ENTPD4: variants seen among roughly 807,000 people sequenced by gnomAD.
ENTPD4 encodes the protein Golgi UDPase.
ENTPD4 carries 60 observed loss-of-function variants against 79.1 expected under a neutral mutation model. That is an observed-to-expected ratio of 0.76 (90% CI 0.62 to 0.94). ENTPD4 has a LOEUF of 0.94. Ranked by LOEUF, ENTPD4 falls within the 40% of genes least tolerant of loss-of-function variation. The pLI, the probability that ENTPD4 is intolerant of heterozygous loss-of-function variation, is 0.00. For missense variants in ENTPD4, 772 were observed against 775.1 expected (o/e 1.00, Z 0.05); for synonymous variants, 276 against 292.0 (o/e 0.95, Z 0.56).
At position 23,430,911 on chromosome 8, in the gene ENTPD4, A is replaced by C; in HGVS notation, c.*2015T>G. ...CAAGACCAACTTATTAGGTAGCCAG[A>C]AGCTCACCCCTTTCTTAACAACTTT... On this transcript the variant is annotated 3_prime_UTR_variant, in exon 13 of 13. Coordinates refer to ENST00000358689, the MANE Select transcript of ENTPD4 (RefSeq NM_004901.5). 3 of 985,498 alleles carry C rather than the reference A, an allele frequency of 3.0e-6. No individual in the cohort carries two copies. The highest frequency in any genetic ancestry group is 3.6e-6 in the Non-Finnish European group (3 of 829,966). The allele number at this position is 985,498 out of a possible 1,614,324, so 61.0% of individuals were successfully genotyped here. A position where few individuals can be genotyped will look rare whatever the true frequency, so the allele number is the denominator to read the frequency against.
chr8:23,431,126 G>T lies in ENTPD4; in HGVS notation c.*1800C>A. 2.4e-6 allele frequency: 1 copy of T among 410,046 alleles called. No homozygotes were observed. The highest frequency in any genetic ancestry group is 3.3e-6 in the Non-Finnish European group (1 of 304,602). 25.4% of individuals were successfully genotyped at this position (410,046 alleles called of 1,614,324 possible). A position where few individuals can be genotyped will look rare whatever the true frequency, so the allele number is the denominator to read the frequency against. ...CCTGAGGCAGTTTGAGCCACAACTGGGACAGAATTCCCTTGGTCTTCTCTT... is the reference window on the plus strand; with the variant it reads ...CCTGAGGCAGTTTGAGCCACAACTGTGACAGAATTCCCTTGGTCTTCTCTT... On this transcript the variant is annotated 3_prime_UTR_variant, in exon 13 of 13. Coordinates refer to ENST00000358689, the MANE Select transcript of ENTPD4 (RefSeq NM_004901.5).
intron 11 of ENTPD4, 31 bp from the exon 12 acceptor site, chr8:23,434,509 A>G: frequency 1.2e-6 from 2 of 1,611,710 alleles, no homozygotes; most frequent in East Asian, 2.2e-5. Context: ...GGCAAGTCAG[A>G]CTGACTCACT....
At position 23,432,308 on chromosome 8, in the gene ENTPD4, C is replaced by T. The variant is rs1450201409; in HGVS notation, c.*618G>A. The T allele has an allele frequency of 5.1e-6, 5 of 985,308 alleles. No homozygotes were observed. The highest frequency in any genetic ancestry group is 1.2e-4 in the Admixed American group (2 of 16,260). 61.0% of individuals were successfully genotyped at this position (985,308 alleles called of 1,614,324 possible). A position where few individuals can be genotyped will look rare whatever the true frequency, so the allele number is the denominator to read the frequency against. On this transcript the variant is annotated 3_prime_UTR_variant, in exon 13 of 13. Coordinates refer to ENST00000358689, the MANE Select transcript of ENTPD4 (RefSeq NM_004901.5). ...TCCACTGACAGAATGCATCTTTCCA[C>T]CTCCCTCCAGTATCAAAGTGCATGT...
Position 23,431,476 on chromosome 8 carries a change from C to T in ENTPD4, c.*1450G>A. 1 of 985,422 alleles carries T rather than the reference C, an allele frequency of 1.0e-6. No individual in the cohort carries two copies. Among genetic ancestry groups the T allele is most frequent in the Non-Finnish European group, 1.2e-6 (1 of 829,926 alleles). The allele number at this position is 985,422 out of a possible 1,614,324, so 61.0% of individuals were successfully genotyped here. A position where few individuals can be genotyped will look rare whatever the true frequency, so the allele number is the denominator to read the frequency against. On this transcript the variant is annotated 3_prime_UTR_variant, in exon 13 of 13. Transcript: ENST00000358689. ...GAAAAAACACCAATCTCACATATGCCAATCCAATTGTCCTTTTTAGATTTT... is the reference window on the plus strand; with the variant it reads ...GAAAAAACACCAATCTCACATATGCTAATCCAATTGTCCTTTTTAGATTTT...
In ENTPD4 at chr8:23,437,091, G is replaced by C. The variant is rs200990091; in HGVS notation, c.1217C>G (p.Thr406Arg). The C allele has an allele frequency of 3.4e-5, 55 of 1,614,234 alleles. No homozygotes were observed. In the East Asian group the frequency reaches 1.0e-3, roughly 31 times the overall value. Residue 406 changes from threonine to arginine, a missense_variant, in exon 10 of 13, where the codon ACA becomes AGA. Physicochemically the swap from Thr to Arg is moderately conservative, Grantham distance 71 (BLOSUM62 -1). Coordinates refer to ENST00000358689, the MANE Select transcript of ENTPD4 (RefSeq NM_004901.5). ...ATTGAGGGAAGTCTGGGTCTCGTTT[G>C]TTTTATTCATGAAAGGCTGGATAGT... ...RETIQPFMNK[T>R]NETQTSLNGV...
chr8:23,437,318 G>T, intron 9 of ENTPD4, 60 bp from the exon 10 acceptor site: 1 of 1,320,630 alleles, frequency 7.6e-7, no homozygotes, highest in Non-Finnish European at 1.0e-6. Context: ...TTCAGGAAGT[G>T]GCTGCAAACC....
At chr8:23,444,658 G>A in intron 4 of ENTPD4, 52 bp from the exon 5 acceptor site, 2 of 1,530,660 alleles carry the variant, frequency 1.3e-6, no homozygotes, top group South Asian at 1.1e-5. Context: ...GCTATAACAT[G>A]TGATGTTTCT....
At chr8:23,441,518 AC>A in intron 8 of ENTPD4, 50 bp downstream of exon 8, 1 of 1,598,536 alleles carries the variant, frequency 6.3e-7, no homozygotes, top group Non-Finnish European at 8.5e-7. Context: ...CGATGGACAC[AC>A]GTTAAATGAA....
At chr8:23,445,191 C>T (rs1414379632) in intron 4 of ENTPD4, among the ~76,000 whole-genome samples, 5 of 152,188 alleles carry the variant, frequency 3.3e-5, no homozygotes, top group Non-Finnish European at 7.3e-5. Flanking sequence ...CTCCCTCATC[C>T]CAACACACAA....
Position 23,431,258 on chromosome 8 carries a change from A to AAGCC in ENTPD4, c.*1664_*1667dup. On this transcript the variant is annotated 3_prime_UTR_variant, in exon 13 of 13. Coordinates refer to ENST00000358689, the MANE Select transcript of ENTPD4 (RefSeq NM_004901.5). ...AGCCTCTGCCCAGTACCTAGTTCCAAAGCCACTTTTATAATATCCTCAGTT... is the reference window on the plus strand; with the variant it reads ...AGCCTCTGCCCAGTACCTAGTTCCAAAGCCAGCCACTTTTATAATATCCTCAGTT... 1.2e-6 allele frequency: 1 copy of AAGCC among 862,390 alleles called. No individual in the cohort carries two copies. The highest frequency in any genetic ancestry group is 5.3e-5 in the South Asian group (1 of 18,740). The allele number at this position is 862,390 out of a possible 1,614,324, so 53.4% of individuals were successfully genotyped here.
rs1489606553 is a variant in ENTPD4, at chr8:23,447,800, T to C, written c.292A>G (p.Ser98Gly). The C allele has an allele frequency of 6.2e-7, 1 of 1,614,232 alleles. No homozygotes were observed. The highest frequency in any genetic ancestry group is 1.1e-5 in the South Asian group (1 of 91,092). Residue 98 changes from serine (S) to glycine (G), a missense_variant, in exon 4 of 13, where the codon AGT becomes GGT. Ser to Gly is a moderately conservative substitution (Grantham distance 56). Coordinates refer to ENST00000358689, the MANE Select transcript of ENTPD4 (RefSeq NM_004901.5). ...NYGIVVDCGS[S>G]GSRVFVYCWP... ...CAGTAAACAAATACTCGAGACCCACTGCTACCACAGTCCACCACGATCCCA... is the reference window on the plus strand; with the variant it reads ...CAGTAAACAAATACTCGAGACCCACCGCTACCACAGTCCACCACGATCCCA...
chr8:23,447,963 A>C (rs1227325302), intron 3 of ENTPD4, 78 bp from the exon 4 acceptor site: 1 of 1,152,012 alleles, frequency 8.7e-7, no homozygotes, highest in Non-Finnish European at 1.3e-6. Flanking sequence ...TGCAGCAAAT[A>C]CCAAGTCAGT....
At position 23,430,260 on chromosome 8, in the gene ENTPD4, T is replaced by C. The variant is rs1800432116; in HGVS notation, c.*2666A>G. On this transcript the variant is annotated 3_prime_UTR_variant, in exon 13 of 13. Transcript: ENST00000358689. Reference sequence around the variant, plus strand: ...ATACGGCATAATGAACTCCCTTGAGTGGTCTCTTTTTAAACAATTTTGGGT... The same window carrying C: ...ATACGGCATAATGAACTCCCTTGAGCGGTCTCTTTTTAAACAATTTTGGGT... The C allele has an allele frequency of 1.0e-6, 1 of 985,422 alleles. No homozygotes were observed. The highest frequency in any genetic ancestry group is 1.7e-5 in the African/African-American group (1 of 57,344). The allele number at this position is 985,422 out of a possible 1,614,324, so 61.0% of individuals were successfully genotyped here.
chr8:23,443,184 C>T (rs1800704129), intron 6 of ENTPD4, among the ~76,000 whole-genome samples: 1 of 152,040 alleles, frequency 6.6e-6, no homozygotes, highest in African/African-American at 2.4e-5. Context: ...AAAAAAATGC[C>T]TCCCTCTTAA....
Position 23,437,097 on chromosome 8 carries a change from T to A in ENTPD4, c.1211A>T (p.Asn404Ile). The A allele has an allele frequency of 1.2e-6, 2 of 1,614,236 alleles. No homozygotes were observed. The highest frequency in any genetic ancestry group is 1.7e-6 in the Non-Finnish European group (2 of 1,180,038). Reference protein sequence around the residue: ...LCRETIQPFMNKTNETQTSLN... With the variant: ...LCRETIQPFMIKTNETQTSLN... ...GGAAGTCTGGGTCTCGTTTGTTTTA[T>A]TCATGAAAGGCTGGATAGTCTCTCG... The change falls in exon 10 of 13, where the codon AAT (asparagine) becomes ATT (isoleucine). Residue 404 changes from asparagine (N) to isoleucine (I), a missense_variant. Coordinates refer to ENST00000358689, the MANE Select transcript of ENTPD4 (RefSeq NM_004901.5).
At position 23,432,094 on chromosome 8, in the gene ENTPD4, T is replaced by C. The variant is rs1348379782; in HGVS notation, c.*832A>G. ...ATCTCCTGGTGCCCATGTTTCTCTG[T>C]TTTGGATATAAATGGTTTAAAAAAT... is the stretch of plus-strand genomic sequence containing the variant. On this transcript the variant is annotated 3_prime_UTR_variant, in exon 13 of 13. Coordinates refer to ENST00000358689, the MANE Select transcript of ENTPD4 (RefSeq NM_004901.5). 15 of 985,208 alleles carry C rather than the reference T, an allele frequency of 1.5e-5. No homozygotes were observed. The highest frequency in any genetic ancestry group is 1.8e-5 in the Non-Finnish European group (15 of 829,774). The allele number at this position is 985,208 out of a possible 1,614,324, so 61.0% of individuals were successfully genotyped here. A position where few individuals can be genotyped will look rare whatever the true frequency, so the allele number is the denominator to read the frequency against.
rs1200624101 is a variant in ENTPD4 at position 23,436,269 on chromosome 8, T to C, written c.1374+665A>G. ...GATAAAATACCACACTTGTGACTGATTACACTGGGGTGTATAGGGAGAGAT... is the reference window on the plus strand; with the variant it reads ...GATAAAATACCACACTTGTGACTGACTACACTGGGGTGTATAGGGAGAGAT... On this transcript the variant is annotated intron_variant, in intron 10 of 12. Transcript: ENST00000358689. 3.3e-5 allele frequency among the ~76,000 whole-genome samples: 5 copies of C among 152,264 alleles called. No individual in the cohort carries two copies. In the East Asian group the frequency reaches 9.7e-4, roughly 29 times the overall value.
In ENTPD4 at chr8:23,431,408, A is replaced by T; in HGVS notation, c.*1518T>A. On this transcript the variant is annotated 3_prime_UTR_variant, in exon 13 of 13. Transcript: ENST00000358689. Reference sequence around the variant, plus strand: ...CACAAAACAAACTCCACCTAAAAAAACTGTACGAGAATTCCCCAAACTTCT... The same window carrying T: ...CACAAAACAAACTCCACCTAAAAAATCTGTACGAGAATTCCCCAAACTTCT... 1 of 985,442 alleles carries T rather than the reference A, an allele frequency of 1.0e-6. No homozygotes were observed. The highest frequency in any genetic ancestry group is 1.2e-6 in the Non-Finnish European group (1 of 829,922). The allele number at this position is 985,442 out of a possible 1,614,324, so 61.0% of individuals were successfully genotyped here.
Position 23,430,279 on chromosome 8 carries a change from T to A in ENTPD4, c.*2647A>T. 1.0e-6 allele frequency: 1 copy of A among 985,380 alleles called. No homozygotes were observed. Among genetic ancestry groups the A allele is most frequent in the Non-Finnish European group, 1.2e-6 (1 of 829,926 alleles). 61.0% of individuals were successfully genotyped at this position (985,380 alleles called of 1,614,324 possible). ...CTTGAGTGGTCTCTTTTTAAACAAT[T>A]TTGGGTGAGGGGCAGGTTTCTTGGT... On this transcript the variant is annotated 3_prime_UTR_variant, in exon 13 of 13. Coordinates refer to ENST00000358689, the MANE Select transcript of ENTPD4 (RefSeq NM_004901.5).
Sources: gnomAD v4.1 joint callset for allele counts (sites outside exome capture counted in the v4.1 genomes callset) on GRCh38, gnomAD v4.1.1 for gene constraint, MANE v1.5 for transcripts, NCBI Gene and HGNC (gene_info 2026-07-23, HGNC 2026-07-21) for gene names.